The following CTNND2 variants were observed in gnomAD, a reference collection of about 807,000 sequenced individuals.
CTNND2 encodes the protein catenin delta-2.
In CTNND2, 22 loss-of-function variants were observed where a neutral mutation model predicts 144.4. The ratio of observed to expected loss-of-function variants is 0.15; its 90% confidence interval spans 0.11 to 0.22. The LOEUF is 0.22. Among genes scored for constraint, CTNND2 ranks in the 10% least tolerant of loss-of-function variants. The probability of loss-of-function intolerance (pLI) is 1.00; values close to 1 mark genes in which losing one functional copy is unlikely to be tolerated. For synonymous variants in CTNND2, 751 were observed against 695.6 expected, an observed-to-expected ratio of 1.08 and a Z score of -1.25; for missense variants, 1,353 against 1,618.8, an observed-to-expected ratio of 0.84 and a Z score of 2.82.
chr5:11,128,749 A>ATTATATATAT (rs1264762783), intron 12 of CTNND2, among the ~76,000 whole-genome samples: 2 of 59,502 alleles, frequency 3.4e-5, no homozygotes, highest in Non-Finnish European at 5.3e-5. Context: ...ATTTATATAT[A>ATTATATATAT]TTATATATAA....
intron 5 of CTNND2, among the ~76,000 whole-genome samples, chr5:11,406,928 T>A (rs923162564): frequency 6.6e-6 from 1 of 152,178 alleles, no homozygotes; most frequent in Non-Finnish European, 1.5e-5. Context: ...AATTCATTAA[T>A]ATGCTACAGA....
chr5:11,848,430 T>C (rs948921421), intron 1 of CTNND2, among the ~76,000 whole-genome samples: 2 of 152,172 alleles, frequency 1.3e-5, no homozygotes, highest in African/African-American at 2.4e-5. Flanking sequence ...AACATTAATA[T>C]AGTGCGTTTG....
At chr5:11,650,554 TA>T (rs1425870617) in intron 2 of CTNND2, among the ~76,000 whole-genome samples, 2 of 152,198 alleles carry the variant, frequency 1.3e-5, no homozygotes, top group Non-Finnish European at 2.9e-5. Flanking sequence ...GAAGATGTGG[TA>T]AAGTGTTGAA....
intron 1 of CTNND2, among the ~76,000 whole-genome samples, chr5:11,777,746 T>C (rs574490888): frequency 3.3e-5 from 5 of 152,280 alleles, no homozygotes; most frequent in Non-Finnish European, 5.9e-5. Flanking sequence ...TTCTTGAATG[T>C]TGGTCCTGTC....
rs567431546 is a variant in CTNND2 at position 11,715,249 on chromosome 5, AG to A, written c.174+16886del. Among the ~76,000 whole-genome samples the A allele has an allele frequency of 5.2e-3, 797 of 152,300 alleles. 7 individuals carry two copies. The highest frequency in any genetic ancestry group is 0.018 in the African/African-American group (769 of 41,576). On this transcript the variant is annotated intron_variant, in intron 2 of 21. Transcript: ENST00000304623. ...CCTCATTCACTCATTTTTACACAAG[AG>A]TATCACAAGAGACTGCCAAATGCTT...
At chr5:11,641,418 T>C (rs1352935197) in intron 2 of CTNND2, among the ~76,000 whole-genome samples, 1 of 151,582 alleles carries the variant, frequency 6.6e-6, no homozygotes, top group Admixed American at 6.6e-5. Flanking sequence ...TGAGCATCTA[T>C]TTCCTTCTCA....
At chr5:11,658,547 T>C (rs188932272) in intron 2 of CTNND2, among the ~76,000 whole-genome samples, 6 of 152,218 alleles carry the variant, frequency 3.9e-5, no homozygotes, top group African/African-American at 1.4e-4. Flanking sequence ...TGGCTTCCTG[T>C]GCTATCTGTA....
At chr5:11,135,283 C>A (rs1362017088) in intron 12 of CTNND2, among the ~76,000 whole-genome samples, 1 of 152,132 alleles carries the variant, frequency 6.6e-6, no homozygotes, top group Non-Finnish European at 1.5e-5. Flanking sequence ...AATGTCAAGG[C>A]AACAGTACTC....
intron 3 of CTNND2, among the ~76,000 whole-genome samples, chr5:11,464,325 T>G (rs1766471890): frequency 6.6e-6 from 1 of 152,186 alleles, no homozygotes; most frequent in East Asian, 1.9e-4. Context: ...CATAAAGTAC[T>G]GTGAGGGGTT....
chr5:11,265,538 A>G (rs1467248508), intron 9 of CTNND2, among the ~76,000 whole-genome samples: 1 of 151,982 alleles, frequency 6.6e-6, no homozygotes, highest in Non-Finnish European at 1.5e-5. Flanking sequence ...TGTATTACTC[A>G]GTAGCGTTTT....
chr5:11,482,311 GA>G (rs1343542547), intron 3 of CTNND2, among the ~76,000 whole-genome samples: 1 of 152,074 alleles, frequency 6.6e-6, no homozygotes, highest in Non-Finnish European at 1.5e-5. Flanking sequence ...GTCTCCTGGT[GA>G]AATGCCCTCC....
intron 1 of CTNND2, among the ~76,000 whole-genome samples, chr5:11,740,878 CACT>C (rs1787962888): frequency 6.6e-6 from 1 of 151,758 alleles, no homozygotes. Flanking sequence ...GGGCAAAGGA[CACT>C]TCTTACAGGC....
intron 7 of CTNND2, among the ~76,000 whole-genome samples, 168 bp from the exon 8 acceptor site, chr5:11,365,058 A>G (rs1345597495): frequency 6.6e-6 from 1 of 152,276 alleles, no homozygotes; most frequent in Non-Finnish European, 1.5e-5. Context: ...GCCTGTCGGC[A>G]TCACCCAGCT....
chr5:11,557,511 C>G (rs1404200790), intron 3 of CTNND2, among the ~76,000 whole-genome samples: 1 of 152,134 alleles, frequency 6.6e-6, no homozygotes, highest in East Asian at 1.9e-4. Flanking sequence ...CACAAAGCCC[C>G]TCCGTCTTCA....
In CTNND2 at chr5:11,688,040, A is replaced by G. The variant is rs767338285; in HGVS notation, c.174+44096T>C. Among the ~76,000 whole-genome samples, 3 of 152,202 alleles carry G rather than the reference A, an allele frequency of 2.0e-5. 1 individual carries two copies. The South Asian group carries it at 6.2e-4, about 31-fold the overall frequency. On this transcript the variant is annotated intron_variant, in intron 2 of 21. Transcript: ENST00000304623. ...GAACCGAATTTTGCCTGGGCGAGTG[A>G]TAATGAAATCAAAGAGAAAAGTGGT...
rs957741028 is a variant in CTNND2, at chr5:11,393,054, A to G, written c.612+3977T>C. ...CACCAATAAGCAATGTTCCAAACAC[A>G]ATGAACACACTTCCTTCTGAAAGAA... On this transcript the variant is annotated intron_variant, in intron 6 of 21. Coordinates refer to ENST00000304623, the MANE Select transcript of CTNND2 (RefSeq NM_001332.4). 8.5e-5 allele frequency among the ~76,000 whole-genome samples: 13 copies of G among 152,348 alleles called. No individual in the cohort carries two copies. The Middle Eastern group carries it at 0.014, about 159-fold the overall frequency.
At chr5:11,658,636 A>C (rs973436802) in intron 2 of CTNND2, among the ~76,000 whole-genome samples, 1 of 152,184 alleles carries the variant, frequency 6.6e-6, no homozygotes, top group Admixed American at 6.6e-5. Context: ...AAAACATTAC[A>C]GTCAATGTCT....
intron 2 of CTNND2, among the ~76,000 whole-genome samples, chr5:11,653,719 G>A (rs534323724): frequency 6.7e-6 from 1 of 149,660 alleles, no homozygotes; most frequent in South Asian, 2.1e-4. Flanking sequence ...TTCTTATGCT[G>A]TGTCAAAACT....
At chr5:11,067,090 T>C (rs974324044) in intron 16 of CTNND2, among the ~76,000 whole-genome samples, 1 of 152,150 alleles carries the variant, frequency 6.6e-6, no homozygotes, top group Non-Finnish European at 1.5e-5. Context: ...GAAGAGCTTA[T>C]GAAAAATCCT....
Sources: allele counts gnomAD v4.1 joint callset (sites outside exome capture counted in the v4.1 genomes callset), GRCh38; gene constraint gnomAD v4.1.1; transcripts MANE v1.5; gene names NCBI Gene and HGNC (gene_info 2026-07-23, HGNC 2026-07-21).